Variants in EPB41L5 observed in about 807,000 individuals in gnomAD.
The protein encoded by EPB41L5 is band 4.1-like protein 5.
In EPB41L5, 55 loss-of-function variants were observed where a neutral mutation model predicts 106.6. The observed-to-expected ratio is 0.52, with a 90% CI of 0.42 to 0.65. The LOEUF (loss-of-function observed/expected upper bound fraction) is 0.65. Ranked by LOEUF, EPB41L5 falls within the 30% of genes least tolerant of loss-of-function variation. EPB41L5 has a pLI of 0.00. For synonymous variants in EPB41L5, 297 were observed against 306.7 expected, an observed-to-expected ratio of 0.97 and a Z score of 0.33; for missense variants, 871 against 882.1, an observed-to-expected ratio of 0.99 and a Z score of 0.16.
intron 21 of EPB41L5, among the ~76,000 whole-genome samples, chr2:120,162,939 G>T (rs748235514): frequency 1.3e-5 from 2 of 152,100 alleles, no homozygotes; most frequent in Non-Finnish European, 2.9e-5. Context: ...AAGACCTGAA[G>T]GCATATAAGC....
intron 2 of EPB41L5, among the ~76,000 whole-genome samples, chr2:120,028,791 C>T (rs560481168): frequency 6.6e-6 from 1 of 152,122 alleles, no homozygotes; most frequent in African/African-American, 2.4e-5. Context: ...AGTTCTAACT[C>T]TGATGGGAGG....
At chr2:120,138,470 T>C (rs1014474192) in intron 18 of EPB41L5, among the ~76,000 whole-genome samples, 2 of 151,808 alleles carry the variant, frequency 1.3e-5, no homozygotes, top group Non-Finnish European at 3.0e-5. Flanking sequence ...CAATTAGAAC[T>C]AATAAATTCA....
intron 14 of EPB41L5, among the ~76,000 whole-genome samples, chr2:120,095,110 G>T (rs893420623): frequency 6.6e-6 from 1 of 152,074 alleles, no homozygotes; most frequent in Non-Finnish European, 1.5e-5. Context: ...GTTTTAATCC[G>T]TTATTGAGAG....
At chr2:120,029,268 A>C (rs1225293323) in intron 2 of EPB41L5, among the ~76,000 whole-genome samples, 2 of 152,144 alleles carry the variant, frequency 1.3e-5, no homozygotes, top group African/African-American at 2.4e-5. Flanking sequence ...CAGTTCAAGC[A>C]GTTCTCCTGC....
intron 16 of EPB41L5, among the ~76,000 whole-genome samples, chr2:120,121,337 A>G (rs979927329): frequency 1.3e-5 from 2 of 152,078 alleles, no homozygotes; most frequent in Non-Finnish European, 2.9e-5. Context: ...ATTTCTCCTA[A>G]TGCTATCCCT....
intron 16 of EPB41L5, among the ~76,000 whole-genome samples, chr2:120,101,926 TG>T (rs1305113206): frequency 6.6e-6 from 1 of 152,176 alleles, no homozygotes; most frequent in African/African-American, 2.4e-5. Flanking sequence ...TGTGTGCATC[TG>T]GGGACACACT....
rs1270247831 is a variant in EPB41L5, at chr2:120,042,121, G to C, written c.285+11G>C. On this transcript the variant is annotated intron_variant, in intron 3 of 24. Transcript: ENST00000263713. ...TCAGCACAAGTAGCAGTGAGTAACTGTTTTTTGGAAGTTTTAGCATAAGGA... is the reference window on the plus strand; with the variant it reads ...TCAGCACAAGTAGCAGTGAGTAACTCTTTTTTGGAAGTTTTAGCATAAGGA... 5.0e-6 allele frequency: 8 copies of C among 1,604,556 alleles called. No homozygotes were observed. Among genetic ancestry groups the C allele is most frequent in the Non-Finnish European group, 6.8e-6 (8 of 1,172,122 alleles).
At chr2:120,043,889 A>G (rs745719312) in intron 3 of EPB41L5, among the ~76,000 whole-genome samples, 2 of 152,112 alleles carry the variant, frequency 1.3e-5, no homozygotes, top group Non-Finnish European at 2.9e-5. Context: ...GCTCATGCCT[A>G]TAATCCCAGC....
At chr2:120,038,176 GCAA>G (rs1262349339) in intron 2 of EPB41L5, among the ~76,000 whole-genome samples, 3 of 152,088 alleles carry the variant, frequency 2.0e-5, no homozygotes, top group South Asian at 2.1e-4. Context: ...CTACAACTCA[GCAA>G]CAACAACCAA....
intron 3 of EPB41L5, among the ~76,000 whole-genome samples, chr2:120,049,202 A>G (rs1018354681): frequency 2.0e-5 from 3 of 152,154 alleles, no homozygotes; most frequent in Non-Finnish European, 2.9e-5. Flanking sequence ...GCTGAGGTCA[A>G]TTCCTGGATA....
At chr2:120,085,866 C>T (rs150073791) in intron 10 of EPB41L5, among the ~76,000 whole-genome samples, 2 of 152,234 alleles carry the variant, frequency 1.3e-5, no homozygotes, top group East Asian at 3.9e-4. Flanking sequence ...CCTTTTCTGC[C>T]TTTTTATAAG....
rs1553514774 is a variant in EPB41L5, at chr2:120,151,610, C to CTCT, written c.1793+5322_1793+5323insCTT. Among the ~76,000 whole-genome samples, 6 of 116,788 alleles carry CTCT rather than the reference C, an allele frequency of 5.1e-5. No individual in the cohort carries two copies. In the East Asian group the frequency reaches 1.1e-3, roughly 22 times the overall value. 76.6% of individuals were successfully genotyped at this position (116,788 alleles called of 152,430 possible). A position where few individuals can be genotyped will look rare whatever the true frequency, so the allele number is the denominator to read the frequency against. On this transcript the variant is annotated intron_variant, in intron 20 of 24. Coordinates refer to ENST00000263713, the MANE Select transcript of EPB41L5 (RefSeq NM_020909.4). ...CAGGCAGGAGCCACTGCGTCTGGCC[C>CTCT]TTTTTTTTTTTTTTTTTTTTTTAAA...
Position 120,075,490 on chromosome 2 carries a change from T to C in EPB41L5, c.422T>C (p.Leu141Pro). The C allele has an allele frequency of 6.3e-7, 1 of 1,580,100 alleles. No homozygotes were observed. Among genetic ancestry groups the C allele is most frequent in the Non-Finnish European group, 8.7e-7 (1 of 1,150,346 alleles). Residue 141 changes from leucine (L) to proline (P), a missense_variant, in exon 6 of 25, where the codon CTT becomes CCT. Physicochemically the swap from Leu to Pro is moderately conservative, Grantham distance 98. Transcript: ENST00000263713. ...REELTRYLFV[L>P]QLKQDILSGK... is the part of the protein sequence containing the mutation. Reference sequence around the variant, plus strand: ...ATTTTTCTTAGGTATTTATTTGTTCTTCAGTTAAAACAAGATATTCTCAGT... The same window carrying C: ...ATTTTTCTTAGGTATTTATTTGTTCCTCAGTTAAAACAAGATATTCTCAGT...
At chr2:120,083,466 G>C (rs1483926322) in intron 10 of EPB41L5, among the ~76,000 whole-genome samples, 1 of 152,210 alleles carries the variant, frequency 6.6e-6, no homozygotes, top group Non-Finnish European at 1.5e-5. Context: ...TGGTCTGAGA[G>C]ACAGTTTGTT....
At chr2:120,173,065 A>AC (rs1687755172) in intron 24 of EPB41L5, among the ~76,000 whole-genome samples, 1 of 152,166 alleles carries the variant, frequency 6.6e-6, no homozygotes, top group Non-Finnish European at 1.5e-5. Context: ...TCGTTTCTAA[A>AC]AAACAACAAC....
intron 16 of EPB41L5, 108 bp downstream of exon 16, chr2:120,100,922 A>G (rs983672114): frequency 2.8e-6 from 2 of 717,698 alleles, no homozygotes; most frequent in Non-Finnish European, 4.5e-6. Flanking sequence ...CAAATTATTC[A>G]TATTTGTGAG....
At chr2:120,115,837 T>G (rs1684925627) in intron 16 of EPB41L5, among the ~76,000 whole-genome samples, 1 of 152,038 alleles carries the variant, frequency 6.6e-6, no homozygotes, top group African/African-American at 2.4e-5. Context: ...GAGACAAGAG[T>G]CTTGCACTGT....
At chr2:120,088,235 A>G (rs1046723853) in intron 11 of EPB41L5, among the ~76,000 whole-genome samples, 7 of 152,214 alleles carry the variant, frequency 4.6e-5, no homozygotes, top group Non-Finnish European at 1.0e-4. Context: ...TTTTAAACAC[A>G]CAATGGGATA....
intron 9 of EPB41L5, 152 bp from the exon 10 acceptor site, chr2:120,078,341 G>T: frequency 2.6e-6 from 1 of 392,008 alleles, no homozygotes; most frequent in East Asian, 4.2e-5. Context: ...ATATTATTAT[G>T]GATACTCTAA....
Sources: allele counts gnomAD v4.1 joint callset (sites outside exome capture counted in the v4.1 genomes callset), GRCh38; gene constraint gnomAD v4.1.1; transcripts MANE v1.5; gene names NCBI Gene and HGNC (gene_info 2026-07-23, HGNC 2026-07-21).